The following ST6GALNAC3 variants were observed in gnomAD, a reference collection of about 807,000 sequenced individuals.
ST6GALNAC3 encodes the protein ST6 N-acetylgalactosaminide alpha-2,6-sialyltransferase 3.
ST6GALNAC3 carries 25 observed loss-of-function variants against 32.7 expected under a neutral mutation model. That is an observed-to-expected ratio of 0.76 (90% CI 0.56 to 1.07). The LOEUF (loss-of-function observed/expected upper bound fraction) is 1.07. Among genes scored for constraint, ST6GALNAC3 ranks in the 50% least tolerant of loss-of-function variants. The pLI is 0.00. For missense variants in ST6GALNAC3, 355 were observed against 382.4 expected, an observed-to-expected ratio of 0.93 and a Z score of 0.60; for synonymous variants, 129 against 133.1, an observed-to-expected ratio of 0.97 and a Z score of 0.21.
At chr1:76,274,228 C>T (rs759837162) in intron 1 of ST6GALNAC3, among the ~76,000 whole-genome samples, 2 of 152,048 alleles carry the variant, frequency 1.3e-5, no homozygotes, top group Non-Finnish European at 2.9e-5. Flanking sequence ...TATATATAAG[C>T]AAGTTTATGT....
At chr1:76,480,624 A>G (rs1415501160) in intron 3 of ST6GALNAC3, among the ~76,000 whole-genome samples, 2 of 152,244 alleles carry the variant, frequency 1.3e-5, no homozygotes, top group Non-Finnish European at 2.9e-5. Context: ...AGATCCTTTC[A>G]TCATCAGTTG....
chr1:76,267,190 A>C (rs531958313), intron 1 of ST6GALNAC3, among the ~76,000 whole-genome samples: 33 of 152,274 alleles, frequency 2.2e-4, no homozygotes, highest in African/African-American at 7.2e-4. Context: ...TTGATCCGCA[A>C]TTATGAATCT....
At chr1:76,420,638 T>G (rs1458244407) in intron 3 of ST6GALNAC3, among the ~76,000 whole-genome samples, 1 of 152,114 alleles carries the variant, frequency 6.6e-6, no homozygotes. Context: ...GTCCTTAAAT[T>G]GACCTCAGCA....
rs111615513 is a variant in ST6GALNAC3 at position 76,604,212 on chromosome 1, T to C, written c.624-23240T>C. On this transcript the variant is annotated intron_variant, in intron 3 of 4. Coordinates refer to ENST00000328299, the MANE Select transcript of ST6GALNAC3 (RefSeq NM_152996.4). ...ACCTCTGTACATAAAGAACACAAGA[T>C]TACCAAAACAATGCAGTTATCTCTA... 6.0e-3 allele frequency among the ~76,000 whole-genome samples: 918 copies of C among 152,284 alleles called. 8 individuals carry two copies. Among genetic ancestry groups the C allele is most frequent in the African/African-American group, 0.021 (866 of 41,572 alleles).
intron 1 of ST6GALNAC3, among the ~76,000 whole-genome samples, chr1:76,084,094 T>A (rs1357539120): frequency 6.6e-6 from 1 of 152,196 alleles, no homozygotes; most frequent in Non-Finnish European, 1.5e-5. Flanking sequence ...AGCATGCTCC[T>A]TCAGGTATTC....
chr1:76,471,135 C>G (rs2101626506), intron 3 of ST6GALNAC3, among the ~76,000 whole-genome samples: 1 of 152,254 alleles, frequency 6.6e-6, no homozygotes, highest in South Asian at 2.1e-4. Context: ...CAATCTACCT[C>G]TCAATCCTGG....
chr1:76,596,695 A>G (rs937038613), intron 3 of ST6GALNAC3, among the ~76,000 whole-genome samples: 1 of 152,220 alleles, frequency 6.6e-6, no homozygotes, highest in African/African-American at 2.4e-5. Flanking sequence ...CTGTTAAGCC[A>G]TAATAAAATT....
chr1:76,538,917 G>A (rs376439460), intron 3 of ST6GALNAC3, among the ~76,000 whole-genome samples: 4 of 151,974 alleles, frequency 2.6e-5, no homozygotes, highest in Admixed American at 6.6e-5. Flanking sequence ...AGGAAGAATC[G>A]GTATCACAAA....
intron 1 of ST6GALNAC3, among the ~76,000 whole-genome samples, chr1:76,253,186 TA>T (rs1368084475): frequency 1.3e-5 from 2 of 152,226 alleles, no homozygotes; most frequent in Non-Finnish European, 2.9e-5. Context: ...ATTTTGTCTT[TA>T]AAAAATCCCA....
intron 3 of ST6GALNAC3, among the ~76,000 whole-genome samples, chr1:76,589,728 T>C (rs912721199): frequency 6.6e-6 from 1 of 151,662 alleles, no homozygotes; most frequent in African/African-American, 2.4e-5. Context: ...TGACTTGTTC[T>C]AAGGGTAGCT....
intron 1 of ST6GALNAC3, among the ~76,000 whole-genome samples, chr1:76,126,440 C>CTTCCTTCCTTCCTTCG (rs144548099): frequency 1.4e-5 from 2 of 147,464 alleles, no homozygotes; most frequent in South Asian, 2.2e-4. Context: ...TCCTTCCTTC[C>CTTCCTTCCTTCCTTCG]TTCCTTCCTT....
chr1:76,620,991 A>G (rs749162743), intron 3 of ST6GALNAC3, among the ~76,000 whole-genome samples: 4 of 152,082 alleles, frequency 2.6e-5, no homozygotes, highest in African/African-American at 7.2e-5. Context: ...TTCTGAGATG[A>G]ATGAACAAAG....
intron 2 of ST6GALNAC3, among the ~76,000 whole-genome samples, chr1:76,317,099 C>T (rs936815225): frequency 2.0e-5 from 3 of 152,064 alleles, no homozygotes; most frequent in Non-Finnish European, 4.4e-5. Flanking sequence ...CATTAGAACA[C>T]TCAAAGGGAA....
chr1:76,626,389 T>C (rs1335670172), intron 3 of ST6GALNAC3, among the ~76,000 whole-genome samples: 1 of 151,894 alleles, frequency 6.6e-6, no homozygotes, highest in Admixed American at 6.6e-5. Flanking sequence ...TTTAAGGAGA[T>C]GGACAGTCAT....
chr1:76,441,211 G>T (rs1258683720), intron 3 of ST6GALNAC3, among the ~76,000 whole-genome samples: 1 of 150,744 alleles, frequency 6.6e-6, no homozygotes, highest in East Asian at 1.9e-4. Flanking sequence ...AATTATTATT[G>T]TAATGATCAT....
chr1:76,495,443 A>G (rs936160322), intron 3 of ST6GALNAC3, among the ~76,000 whole-genome samples: 2 of 152,100 alleles, frequency 1.3e-5, no homozygotes, highest in Non-Finnish European at 2.9e-5. Flanking sequence ...ACTTAGGGTA[A>G]CTAATGGTAA....
At chr1:76,396,337 C>T (rs562949314) in intron 2 of ST6GALNAC3, among the ~76,000 whole-genome samples, 12 of 152,068 alleles carry the variant, frequency 7.9e-5, no homozygotes, top group East Asian at 5.8e-4. Flanking sequence ...TGGTGGCATG[C>T]GCCTGTAGTC....
At chr1:76,216,733 T>C (rs1332496401) in intron 1 of ST6GALNAC3, among the ~76,000 whole-genome samples, 1 of 152,232 alleles carries the variant, frequency 6.6e-6, no homozygotes, top group East Asian at 1.9e-4. Flanking sequence ...TCCAAAACTT[T>C]ACTGCAGTGT....
intron 3 of ST6GALNAC3, among the ~76,000 whole-genome samples, chr1:76,568,592 C>T (rs549019038): frequency 1.3e-5 from 2 of 152,314 alleles, no homozygotes; most frequent in South Asian, 2.1e-4. Context: ...CTTCAACACA[C>T]ACAACCATTC....
Sources: allele counts gnomAD v4.1 joint callset (sites outside exome capture counted in the v4.1 genomes callset), GRCh38; gene constraint gnomAD v4.1.1; transcripts MANE v1.5; gene names NCBI Gene and HGNC (gene_info 2026-07-23, HGNC 2026-07-21).